The following PCDHGC3 variants were observed in gnomAD, a reference collection of about 807,000 sequenced individuals.
The protein encoded by PCDHGC3 is protocadherin gamma subfamily C, 3, also known as protocadherin gamma-C3.
Under a neutral mutation model 59.2 loss-of-function variants are expected in PCDHGC3, and 26 were observed. That is an observed-to-expected ratio of 0.44 (90% CI 0.32 to 0.61). The LOEUF (loss-of-function observed/expected upper bound fraction) is 0.61. Ranked by LOEUF, PCDHGC3 falls within the 20% of genes least tolerant of loss-of-function variation. PCDHGC3 has a pLI of 0.05. For missense variants in PCDHGC3, 1,080 were observed against 1,221.8 expected (o/e 0.88, Z 1.73); for synonymous variants, 487 against 519.7 (o/e 0.94, Z 0.86).
At position 141,491,137 on chromosome 5, in the gene PCDHGC3, GC is replaced by G. The variant is rs1373404184; in HGVS notation, c.2431-3668del. ...CACTGGTGAGGTGCGCACAGCCCGG[GC>G]CTTACTGGAGGATGACTCTGACACC... On this transcript the variant is annotated intron_variant, in intron 1 of 3. Transcript: ENST00000308177. This position sits in a 1 kb window ranked among gnomAD's most constrained non-coding sequence, Gnocchi z 6.9. The G allele has an allele frequency of 1.2e-6, 2 of 1,614,156 alleles. No individual in the cohort carries two copies. Among genetic ancestry groups the G allele is most frequent in the Non-Finnish European group, 1.7e-6 (2 of 1,180,008 alleles).
chr5:141,477,087 C>A lies in PCDHGC3; in HGVS notation c.971C>A (p.Ala324Asp), dbSNP rs748424193. 14 of 1,614,244 alleles carry A rather than the reference C, an allele frequency of 8.7e-6. No individual in the cohort carries two copies. Among genetic ancestry groups the A allele is most frequent in the Non-Finnish European group, 8.5e-7 (1 of 1,180,048 alleles). The change falls in exon 1 of 4, where the codon GCC (alanine) becomes GAC (aspartate). Residue 324 changes from alanine (A) to aspartate (D), a missense_variant. By Grantham distance (126) the Ala-to-Asp change is moderately radical (BLOSUM62 -2). Transcript: ENST00000308177. This position sits in a 1 kb window ranked among gnomAD's most constrained non-coding sequence, Gnocchi z 4.9. ...AAACTCCATGAGATTTACATCCAGG[C>A]CAAAGACAAGGGCGCCAATCCCGAA... ...DTKLHEIYIQ[A>D]KDKGANPEGA...
chr5:141,476,744 C>A lies in PCDHGC3; in HGVS notation c.628C>A (p.Leu210Ile), dbSNP rs1168392300. ...RALDREREPS[L>I]QLVLTALDGG... ...CCTGGACCGAGAACGGGAGCCTAGT[C>A]TCCAGTTAGTGCTGACGGCGTTGGA... The change falls in exon 1 of 4, where the codon CTC becomes ATC. Residue 210 changes from leucine (L) to isoleucine (I), a missense_variant. Coordinates refer to ENST00000308177, the MANE Select transcript of PCDHGC3 (RefSeq NM_002588.4). The surrounding 1 kb of genome is among the most constrained non-coding windows in gnomAD (Gnocchi z 7.6). 1.2e-6 allele frequency: 2 copies of A among 1,614,046 alleles called. No individual in the cohort carries two copies. Among genetic ancestry groups the A allele is most frequent in the Admixed American group, 3.3e-5 (2 of 60,034 alleles).
intron 3 of PCDHGC3, among the ~76,000 whole-genome samples, chr5:141,509,347 C>A (rs755234053): frequency 2.6e-5 from 4 of 152,142 alleles, no homozygotes; most frequent in Non-Finnish European, 5.9e-5. Context: ...CCTGGGCTGG[C>A]CTGGGCATCC....
rs1427742903 is a variant in PCDHGC3 at position 141,477,916 on chromosome 5, A to G, written c.1800A>G (p.Ala600=). The change falls in exon 1 of 4, where the codon GCA becomes GCG. Residue 600 remains alanine, a synonymous_variant. Coordinates refer to ENST00000308177, the MANE Select transcript of PCDHGC3 (RefSeq NM_002588.4). This position sits in a 1 kb window ranked among gnomAD's most constrained non-coding sequence, Gnocchi z 4.9. The part of the protein sequence containing the change: ...VSRVVGWDAD[A]GHNAWLSYSL... ...GGGTGGTAGGCTGGGACGCGGATGC[A>G]GGGCACAATGCCTGGCTCTCCTACA... The G allele has an allele frequency of 1.2e-6, 2 of 1,614,042 alleles. No homozygotes were observed. The highest frequency in any genetic ancestry group is 2.7e-5 in the African/African-American group (2 of 74,932).
Position 141,487,306 on chromosome 5 carries a change from ACT to A in PCDHGC3, c.2431-7496_2431-7495del. 1 of 1,613,414 alleles carries A rather than the reference ACT, an allele frequency of 6.2e-7. No individual in the cohort carries two copies. The highest frequency in any genetic ancestry group is 8.5e-7 in the Non-Finnish European group (1 of 1,179,874). ...TCTCCTTTGGCTCATTCGTGGCACT[ACT>A]CTCTAAGTGTCTTCGTGGGGCAGCC... On this transcript the variant is annotated intron_variant, in intron 1 of 3. Coordinates refer to ENST00000308177, the MANE Select transcript of PCDHGC3 (RefSeq NM_002588.4). The surrounding 1 kb of genome is among the most constrained non-coding windows in gnomAD (Gnocchi z 5.0).
chr5:141,477,697 T>G lies in PCDHGC3; in HGVS notation c.1581T>G (p.Tyr527Ter), dbSNP rs745625196. ...GIVSSLVPLD[Y>*]EDRREFELTA... ...TGTCATCCTTAGTGCCCCTAGACTA[T>G]GAGGATCGGCGGGAATTTGAATTAA... Residue 527 changes from tyrosine to a stop codon, truncating the protein, a stop_gained, in exon 1 of 4, where the codon TAT becomes TAG. Coordinates refer to ENST00000308177, the MANE Select transcript of PCDHGC3 (RefSeq NM_002588.4). LOFTEE classifies it high-confidence loss of function. The surrounding 1 kb of genome is among the most constrained non-coding windows in gnomAD (Gnocchi z 4.9). 6.2e-7 allele frequency: 1 copy of G among 1,614,160 alleles called. No homozygotes were observed. Among genetic ancestry groups the G allele is most frequent in the South Asian group, 1.1e-5 (1 of 91,090 alleles).
At chr5:141,482,761 ATT>A (rs2099571906) in intron 1 of PCDHGC3, among the ~76,000 whole-genome samples, 1 of 127,370 alleles carries the variant, frequency 7.9e-6, no homozygotes, top group Admixed American at 7.7e-5. Flanking sequence ...ATGGTATTTC[ATT>A]ATCACTGAAC....
chr5:141,497,986 G>T (rs1404550601), intron 2 of PCDHGC3, among the ~76,000 whole-genome samples: 1 of 152,176 alleles, frequency 6.6e-6, no homozygotes, highest in Non-Finnish European at 1.5e-5. Context: ...GGAGGCCCCT[G>T]CCCTCAAGGA....
chr5:141,498,930 C>T (rs2099786911), intron 2 of PCDHGC3, among the ~76,000 whole-genome samples: 1 of 121,364 alleles, frequency 8.2e-6, no homozygotes, highest in Non-Finnish European at 1.6e-5. Flanking sequence ...GAGACTCCAT[C>T]AGGAAAGAAA....
At chr5:141,505,345 G>C (rs776607130) in intron 2 of PCDHGC3, 48 bp from the exon 3 acceptor site, 3 of 1,613,086 alleles carry the variant, frequency 1.9e-6, no homozygotes, top group Non-Finnish European at 2.5e-6. Flanking sequence ...AGGGGCATGA[G>C]CTGTGCCGGC....
chr5:141,510,894 A>G, intron 3 of PCDHGC3, 53 bp from the exon 4 acceptor site: 2 of 1,612,850 alleles, frequency 1.2e-6, no homozygotes, highest in Non-Finnish European at 8.5e-7. Flanking sequence ...TAAGACAGTG[A>G]CTGTTGAGGA....
intron 3 of PCDHGC3, 40 bp downstream of exon 3, chr5:141,505,521 T>C: frequency 1.9e-6 from 3 of 1,612,684 alleles, no homozygotes; most frequent in Non-Finnish European, 2.5e-6. Context: ...GTGGGAGACC[T>C]GGGGTTCTGG....
Position 141,490,532 on chromosome 5 carries a change from C to T in PCDHGC3, c.2431-4275C>T. Reference sequence around the variant, plus strand: ...GAGCTGCTGGCCAGCGATGCTGGTTCACCTTCCCTACACAAACATCTCACC... The same window carrying T: ...GAGCTGCTGGCCAGCGATGCTGGTTTACCTTCCCTACACAAACATCTCACC... On this transcript the variant is annotated intron_variant, in intron 1 of 3. Coordinates refer to ENST00000308177, the MANE Select transcript of PCDHGC3 (RefSeq NM_002588.4). This position sits in a 1 kb window ranked among gnomAD's most constrained non-coding sequence, Gnocchi z 5.4. 6.2e-7 allele frequency: 1 copy of T among 1,614,142 alleles called. No homozygotes were observed. Among genetic ancestry groups the T allele is most frequent in the Non-Finnish European group, 8.5e-7 (1 of 1,180,030 alleles).
rs773703641 is a variant in PCDHGC3, at chr5:141,477,856, G to A, written c.1740G>A (p.Leu580=). Residue 580 remains leucine (L), a synonymous_variant, in exon 1 of 4, where the codon CTG becomes CTA. Transcript: ENST00000308177. The surrounding 1 kb of genome is among the most constrained non-coding windows in gnomAD (Gnocchi z 4.9). ...CAGGTGGGAGCTCGGTGGAGATGCT[G>A]CCTCGAGGTACCTCAGCTGGCCACC... is the stretch of plus-strand genomic sequence containing the variant. The part of the protein sequence containing the change: ...PRPGGSSVEM[L]PRGTSAGHLV... 6.2e-7 allele frequency: 1 copy of A among 1,613,592 alleles called. No homozygotes were observed. Among genetic ancestry groups the A allele is most frequent in the Admixed American group, 1.7e-5 (1 of 59,976 alleles).
Position 141,511,066 on chromosome 5 carries a change from C to T in PCDHGC3, c.2698C>T (p.Pro900Ser). Residue 900 changes from proline to serine, a missense_variant, in exon 4 of 4, where the codon CCA (proline) becomes TCA (serine). Physicochemically the swap from Pro to Ser is moderately conservative, Grantham distance 74. Transcript: ENST00000308177. The part of the protein sequence containing the change: ...VPDYRQNVYI[P>S]GSNATLTNAA... ...CGACTACCGCCAGAATGTCTACATC[C>T]CAGGCAGCAATGCCACACTGACCAA... 1.2e-6 allele frequency: 2 copies of T among 1,614,230 alleles called. No individual in the cohort carries two copies. Among genetic ancestry groups the T allele is most frequent in the Non-Finnish European group, 1.7e-6 (2 of 1,180,036 alleles).
rs138149681 is a variant in PCDHGC3, at chr5:141,486,735, G to A, written c.2431-8072G>A. Reference sequence around the variant, plus strand: ...CAGACAGGAGCTGTTCATGCTACTCGATCCTTTGACTATGAGCAAACCCAG... The same window carrying A: ...CAGACAGGAGCTGTTCATGCTACTCAATCCTTTGACTATGAGCAAACCCAG... On this transcript the variant is annotated intron_variant, in intron 1 of 3. Transcript: ENST00000308177. The surrounding 1 kb of genome is among the most constrained non-coding windows in gnomAD (Gnocchi z 5.0). 3.1e-4 allele frequency: 502 copies of A among 1,614,174 alleles called. 1 individual carries two copies. Among genetic ancestry groups the A allele is most frequent in the South Asian group, 1.8e-3 (161 of 91,086 alleles).
intron 1 of PCDHGC3, among the ~76,000 whole-genome samples, chr5:141,494,072 C>G (rs2099751672): frequency 6.6e-6 from 1 of 152,160 alleles, no homozygotes; most frequent in Non-Finnish European, 1.5e-5. Flanking sequence ...CTGGATCCCT[C>G]CCCGCTGCAT....
Position 141,490,522 on chromosome 5 carries a change from G to A in PCDHGC3, c.2431-4285G>A, listed in dbSNP as rs191201177. ...CTATATCATCGAGCTGCTGGCCAGC[G>A]ATGCTGGTTCACCTTCCCTACACAA... On this transcript the variant is annotated intron_variant, in intron 1 of 3. Transcript: ENST00000308177. This position sits in a 1 kb window ranked among gnomAD's most constrained non-coding sequence, Gnocchi z 5.4. 5.0e-6 allele frequency: 8 copies of A among 1,614,054 alleles called. No homozygotes were observed. Among genetic ancestry groups the A allele is most frequent in the Admixed American group, 3.3e-5 (2 of 60,010 alleles).
At position 141,478,470 on chromosome 5, in the gene PCDHGC3, G is replaced by A. The variant is rs753075137; in HGVS notation, c.2354G>A (p.Arg785His). The A allele has an allele frequency of 1.2e-6, 2 of 1,613,686 alleles. No homozygotes were observed. Among genetic ancestry groups the A allele is most frequent in the Non-Finnish European group, 1.7e-6 (2 of 1,179,844 alleles). Residue 785 changes from arginine (R) to histidine (H), a missense_variant, in exon 1 of 4, where the codon CGC (arginine) becomes CAC (histidine). Physicochemically the swap from Arg to His is conservative, Grantham distance 29. Coordinates refer to ENST00000308177, the MANE Select transcript of PCDHGC3 (RefSeq NM_002588.4). The stretch of plus-strand genomic sequence containing the variant: ...GGTGCAGCCAGTCCACTGGCCAGCC[G>A]CCAGAACACGCTGCGGAGCTGTGAT... ...KPGAASPLAS[R>H]QNTLRSCDPV...
Sources: gnomAD v4.1 joint callset for allele counts (sites outside exome capture counted in the v4.1 genomes callset) on GRCh38, gnomAD v4.1.1 for gene constraint, Gnocchi (gnomAD v3.1) non-coding constraint, MANE v1.5 for transcripts, NCBI Gene and HGNC (gene_info 2026-07-23, HGNC 2026-07-21) for gene names.